The following DCLK1 variants were observed in gnomAD, a reference collection of about 807,000 sequenced individuals.
The protein encoded by DCLK1 is doublecortin like kinase 1, also known as serine/threonine-protein kinase DCLK1.
In DCLK1, 16 loss-of-function variants were observed where a neutral mutation model predicts 86.2. The ratio of observed to expected loss-of-function variants is 0.19; its 90% CI spans 0.13 to 0.28. The LOEUF is 0.28. Ranked by LOEUF, DCLK1 falls within the 10% of genes least tolerant of loss-of-function variation. The pLI is 1.00. For synonymous variants in DCLK1, 369 were observed against 370.5 expected (o/e 1.00, Z 0.05); for missense variants, 590 against 940.2 (o/e 0.63, Z 4.87).
At chr13:36,008,739 A>G (rs894517535) in intron 3 of DCLK1, among the ~76,000 whole-genome samples, 4 of 150,972 alleles carry the variant, frequency 2.6e-5, no homozygotes, top group Admixed American at 6.6e-5. Context: ...GTATATACCC[A>G]GTAATGGGAT....
chr13:36,064,393 G>A (rs1391444058), intron 3 of DCLK1, among the ~76,000 whole-genome samples: 3 of 152,188 alleles, frequency 2.0e-5, no homozygotes, highest in Admixed American at 6.5e-5. Context: ...GGGCGTGGCG[G>A]CTCATGCCTG....
intron 3 of DCLK1, among the ~76,000 whole-genome samples, chr13:35,999,360 G>A (rs1207745318): frequency 6.6e-6 from 1 of 152,122 alleles, no homozygotes; most frequent in East Asian, 1.9e-4. Context: ...CAGCCTGCCT[G>A]TTCCAGAGCT....
chr13:35,795,503 C>A (rs1487024756), intron 15 of DCLK1, among the ~76,000 whole-genome samples: 1 of 152,196 alleles, frequency 6.6e-6, no homozygotes, highest in Non-Finnish European at 1.5e-5. Context: ...CATTATCCAG[C>A]TCTTGGTTCA....
chr13:35,900,293 T>C (rs1370393444), intron 4 of DCLK1, among the ~76,000 whole-genome samples: 3 of 149,538 alleles, frequency 2.0e-5, no homozygotes, highest in African/African-American at 4.9e-5. Flanking sequence ...CAGGCTGGAG[T>C]GCAGTGGCAC....
Position 35,805,777 on chromosome 13 carries a change from C to A in DCLK1, c.1866G>T (p.Glu622Asp). The A allele has an allele frequency of 6.2e-7, 1 of 1,613,322 alleles. No homozygotes were observed. Among genetic ancestry groups the A allele is most frequent in the Non-Finnish European group, 8.5e-7 (1 of 1,179,658 alleles). Residue 622 changes from glutamate to aspartate, a missense_variant and splice_region_variant, in exon 15 of 17, where the codon GAG becomes GAT. Around this residue, in one of 6 missense-constraint regions of DCLK1, gnomAD observed 146 missense variants for 190.2 expected, o/e 0.77. Transcript: ENST00000360631. ...CGACCAACAGCATCATGGTAATGAGCTCCTGTGAAGGGGAACGTTAGAGTC... is the reference window on the plus strand; with the variant it reads ...CGACCAACAGCATCATGGTAATGAGATCCTGTGAAGGGGAACGTTAGAGTC... Reference protein sequence around the residue: ...YWDNVSDSAKELITMMLLVDV... With the variant: ...YWDNVSDSAKDLITMMLLVDV...
intron 4 of DCLK1, among the ~76,000 whole-genome samples, chr13:35,902,877 A>G (rs952261023): frequency 3.9e-5 from 6 of 152,230 alleles, no homozygotes; most frequent in Non-Finnish European, 7.3e-5. Context: ...AGGAGGTCTC[A>G]AAGTCCTGCT....
intron 4 of DCLK1, among the ~76,000 whole-genome samples, chr13:35,925,743 T>C (rs563711960): frequency 2.4e-4 from 36 of 152,334 alleles, no homozygotes; most frequent in African/African-American, 8.7e-4. Context: ...TTATTTTGGA[T>C]AGATCTCACC....
At chr13:35,867,960 A>AGAAG (rs1216367250) in intron 5 of DCLK1, among the ~76,000 whole-genome samples, 1 of 150,942 alleles carries the variant, frequency 6.6e-6, no homozygotes, top group Non-Finnish European at 1.5e-5. Context: ...AAAGAAAGAA[A>AGAAG]GAAAGAGAAA....
At chr13:35,896,245 A>C (rs1873973037) in intron 4 of DCLK1, among the ~76,000 whole-genome samples, 1 of 152,176 alleles carries the variant, frequency 6.6e-6, no homozygotes, top group Non-Finnish European at 1.5e-5. Flanking sequence ...AGGTCTCTAA[A>C]ATATGCTGTT....
At chr13:35,850,468 C>T (rs377531991) in intron 6 of DCLK1, 7 of 1,158,416 alleles carry the variant, frequency 6.0e-6, no homozygotes, top group African/African-American at 1.6e-5. Flanking sequence ...AGGCCCTGTA[C>T]AAAAATCTCA....
chr13:35,909,341 A>G (rs1874866269), intron 4 of DCLK1, among the ~76,000 whole-genome samples: 2 of 152,206 alleles, frequency 1.3e-5, no homozygotes, highest in Non-Finnish European at 2.9e-5. Flanking sequence ...ATAAAATGGA[A>G]GACGCTGTAC....
intron 6 of DCLK1, chr13:35,847,877 T>C (rs2153109413): frequency 1.0e-6 from 1 of 985,300 alleles, no homozygotes; most frequent in Non-Finnish European, 1.2e-6. Context: ...GTACAGAAAC[T>C]GTCTAGATTT....
At position 35,769,346 on chromosome 13, in the gene DCLK1, C is replaced by T. The variant is rs1350736227; in HGVS notation, c.*5189G>A. On this transcript the variant is annotated 3_prime_UTR_variant, in exon 17 of 17. Coordinates refer to ENST00000360631, the MANE Select transcript of DCLK1 (RefSeq NM_001330071.2). Reference sequence around the variant, plus strand: ...AAACTTGTTTAAATGCGCCAAGTCCCTACGCACCTTTTTAGTATGTATGAG... The same window carrying T: ...AAACTTGTTTAAATGCGCCAAGTCCTTACGCACCTTTTTAGTATGTATGAG... 6.6e-6 allele frequency: 1 copy of T among 152,188 alleles called. No homozygotes were observed. Among genetic ancestry groups the T allele is most frequent in the African/African-American group, 2.4e-5 (1 of 41,448 alleles). The allele number at this position is 152,188 out of a possible 1,614,324, so 9.4% of individuals were successfully genotyped here.
intron 3 of DCLK1, among the ~76,000 whole-genome samples, chr13:36,093,774 A>C (rs965111114): frequency 2.0e-5 from 3 of 152,180 alleles, no homozygotes; most frequent in African/African-American, 7.2e-5. Context: ...ATTTAAAATA[A>C]AATATTTAAA....
At chr13:35,959,620 G>A (rs769753891) in intron 3 of DCLK1, among the ~76,000 whole-genome samples, 9 of 152,164 alleles carry the variant, frequency 5.9e-5, no homozygotes, top group Non-Finnish European at 1.2e-4. Flanking sequence ...AATGAGACAT[G>A]TCCATGTCCT....
At chr13:36,001,414 G>C (rs1193127643) in intron 3 of DCLK1, among the ~76,000 whole-genome samples, 1 of 152,124 alleles carries the variant, frequency 6.6e-6, no homozygotes, top group Non-Finnish European at 1.5e-5. Context: ...GAAGTCTCCT[G>C]GTTTGTGTGA....
At chr13:36,067,822 T>C (rs1883816875) in intron 3 of DCLK1, among the ~76,000 whole-genome samples, 1 of 152,138 alleles carries the variant, frequency 6.6e-6, no homozygotes, top group South Asian at 2.1e-4. Flanking sequence ...AGGCAGCATT[T>C]CCTGCAACAC....
At chr13:35,977,298 T>A (rs997365540) in intron 3 of DCLK1, among the ~76,000 whole-genome samples, 2 of 152,196 alleles carry the variant, frequency 1.3e-5, no homozygotes, top group African/African-American at 2.4e-5. Context: ...GTTTTCCCCC[T>A]GAGCAATCTG....
intron 3 of DCLK1, among the ~76,000 whole-genome samples, chr13:36,023,312 A>T (rs188050186): frequency 6.6e-6 from 1 of 152,212 alleles, no homozygotes; most frequent in South Asian, 2.1e-4. Flanking sequence ...TAGAGAGCCA[A>T]TGGTGCATGT....
Sources: allele counts gnomAD v4.1 joint callset (sites outside exome capture counted in the v4.1 genomes callset), GRCh38; gene constraint gnomAD v4.1.1; regional missense constraint gnomAD v4.1.1; transcripts MANE v1.5; gene names NCBI Gene and HGNC (gene_info 2026-07-23, HGNC 2026-07-21).